Variants in PALLD observed in about 807,000 individuals in gnomAD.
PALLD encodes palladin, cytoskeletal associated protein.
PALLD carries 61 observed loss-of-function variants against 123.5 expected under a neutral mutation model. The observed-to-expected ratio is 0.49, with a 90% CI of 0.40 to 0.61. The LOEUF (loss-of-function observed/expected upper bound fraction) is 0.61. Ranked by LOEUF, PALLD falls within the 20% of genes least tolerant of loss-of-function variation. PALLD has a pLI of 0.00. For synonymous variants in PALLD, 465 were observed against 496.4 expected (o/e 0.94, Z 0.84); for missense variants, 1,273 against 1,377.0 (o/e 0.92, Z 1.20).
chr4:168,600,030 C>CATATATGTGTGTACACACACAT (rs149735380), intron 2 of PALLD, among the ~76,000 whole-genome samples: 1 of 144,824 alleles, frequency 6.9e-6, no homozygotes, highest in Non-Finnish European at 1.5e-5. Context: ...TGTACACACA[C>CATATATGTGTGTACACACACAT]ATACATACAT....
At chr4:168,771,085 A>ACC (rs1561505185) in intron 10 of PALLD, among the ~76,000 whole-genome samples, 1 of 149,608 alleles carries the variant, frequency 6.7e-6, no homozygotes, top group African/African-American at 2.5e-5. Context: ...ACAAAAAAAA[A>ACC]ACCTTAGTTT....
At chr4:168,656,245 AC>A (rs946544903) in intron 2 of PALLD, among the ~76,000 whole-genome samples, 3 of 61,878 alleles carry the variant, frequency 4.8e-5, no homozygotes, top group Non-Finnish European at 8.7e-5. Context: ...CCACCCCCCC[AC>A]CCCCCACCCC....
chr4:168,829,980 C>T (rs1044205525), intron 10 of PALLD, among the ~76,000 whole-genome samples: 4 of 152,058 alleles, frequency 2.6e-5, no homozygotes, highest in Non-Finnish European at 4.4e-5. Flanking sequence ...GCCTATAATC[C>T]CAGCACTTTG....
intron 2 of PALLD, among the ~76,000 whole-genome samples, chr4:168,593,225 T>C (rs1420617656): frequency 1.3e-5 from 2 of 152,060 alleles, no homozygotes; most frequent in Non-Finnish European, 2.9e-5. Context: ...TCCATTCTTC[T>C]AAACTCTCAT....
At chr4:168,925,105 T>G (rs1483301503) in intron 20 of PALLD, 27 bp downstream of exon 20, 1 of 1,611,412 alleles carries the variant, frequency 6.2e-7, no homozygotes, top group Admixed American at 1.7e-5. Flanking sequence ...CTCATTTCAT[T>G]GCGTTTACTC....
chr4:168,539,584 TAAATAAATAAATAA>T (rs1185786719), intron 2 of PALLD, among the ~76,000 whole-genome samples: 2 of 53,636 alleles, frequency 3.7e-5, no homozygotes, highest in Non-Finnish European at 1.1e-4. Context: ...AATAAATAAA[TAAATAAATAAATAA>T]ATAAATAAAT....
intron 10 of PALLD, among the ~76,000 whole-genome samples, chr4:168,862,171 G>A (rs1394821663): frequency 6.6e-6 from 1 of 152,064 alleles, no homozygotes; most frequent in Non-Finnish European, 1.5e-5. Flanking sequence ...AAGTTGTTTT[G>A]TTTGCTTTGT....
chr4:168,850,931 C>A (rs952208886), intron 10 of PALLD, among the ~76,000 whole-genome samples: 1 of 152,138 alleles, frequency 6.6e-6, no homozygotes, highest in Non-Finnish European at 1.5e-5. Context: ...CATGTGTCTG[C>A]GAACCCTAGC....
chr4:168,650,557 T>C (rs1777939484), intron 2 of PALLD, among the ~76,000 whole-genome samples: 1 of 152,244 alleles, frequency 6.6e-6, no homozygotes, highest in South Asian at 2.1e-4. Flanking sequence ...TGTGTCTTTG[T>C]GTCCTTTTGT....
chr4:168,894,828 C>T, intron 12 of PALLD, 151 bp downstream of exon 12: 1 of 1,318,926 alleles, frequency 7.6e-7, no homozygotes, highest in Non-Finnish European at 1.0e-6. Flanking sequence ...AACCTCACAG[C>T]TAATTTTTAT....
At chr4:168,689,536 C>G (rs1782421200) in intron 6 of PALLD, among the ~76,000 whole-genome samples, 3 of 145,264 alleles carry the variant, frequency 2.1e-5, no homozygotes, top group African/African-American at 7.7e-5. Flanking sequence ...CAACCTCTGC[C>G]TCCTGAGTTC....
At chr4:168,841,862 C>T (rs1746083601) in intron 10 of PALLD, among the ~76,000 whole-genome samples, 1 of 152,230 alleles carries the variant, frequency 6.6e-6, no homozygotes, top group Non-Finnish European at 1.5e-5. Flanking sequence ...ACTGAAATCT[C>T]TCAGCATATA....
chr4:168,725,750 T>C (rs1662444323), intron 10 of PALLD, among the ~76,000 whole-genome samples: 1 of 151,942 alleles, frequency 6.6e-6, no homozygotes, highest in Non-Finnish European at 1.5e-5. Flanking sequence ...ATGGTCTCGA[T>C]TTCCTGACCT....
intron 2 of PALLD, among the ~76,000 whole-genome samples, chr4:168,621,817 T>C (rs60990062): frequency 0.01 from 1,525 of 152,264 alleles, 25 homozygotes; most frequent in African/African-American, 0.035. Flanking sequence ...ATGACCCACC[T>C]TTGCTTCTCA....
At chr4:168,868,246 G>A (rs1750602816) in intron 10 of PALLD, among the ~76,000 whole-genome samples, 1 of 152,154 alleles carries the variant, frequency 6.6e-6, no homozygotes, top group Admixed American at 6.6e-5. Flanking sequence ...TGGATCACAT[G>A]CTCACCCTGC....
intron 10 of PALLD, among the ~76,000 whole-genome samples, chr4:168,868,084 G>A (rs1750570046): frequency 6.6e-6 from 1 of 152,066 alleles, no homozygotes; most frequent in Non-Finnish European, 1.5e-5. Flanking sequence ...TGATGGCCAG[G>A]AACTCTAGGT....
intron 2 of PALLD, among the ~76,000 whole-genome samples, chr4:168,519,803 C>A (rs1178287062): frequency 6.6e-6 from 1 of 152,128 alleles, no homozygotes; most frequent in Non-Finnish European, 1.5e-5. Context: ...CATACCTAGA[C>A]AATAGGAACA....
chr4:168,668,403 G>C (rs759917131), intron 3 of PALLD, 35 bp downstream of exon 3: 3 of 1,534,958 alleles, frequency 2.0e-6, no homozygotes, highest in Non-Finnish European at 2.7e-6. Context: ...GGGATAAAGG[G>C]GTGTCAATGG....
At chr4:168,673,401 G>A (rs941037397) in intron 3 of PALLD, among the ~76,000 whole-genome samples, 3 of 152,216 alleles carry the variant, frequency 2.0e-5, no homozygotes, top group Non-Finnish European at 4.4e-5. Context: ...GGGAACAAAT[G>A]CCCTGGTGAG....
Sources: allele counts gnomAD v4.1 joint callset (sites outside exome capture counted in the v4.1 genomes callset), GRCh38; gene constraint gnomAD v4.1.1; transcripts MANE v1.5; gene names NCBI Gene and HGNC (gene_info 2026-07-23, HGNC 2026-07-21).